The following RTN1 variants were observed in gnomAD, a reference collection of about 807,000 sequenced individuals.
RTN1 encodes the protein reticulon 1.
A neutral mutation model predicts 65.5 loss-of-function variants in RTN1; 25 were observed. The observed-to-expected ratio is 0.38, with a 90% CI of 0.28 to 0.53. The LOEUF is 0.53. Among genes scored for constraint, RTN1 ranks in the 20% least tolerant of loss-of-function variants. The pLI, the probability that RTN1 is intolerant of heterozygous loss-of-function variation, is 0.79. For missense variants in RTN1, 983 were observed against 1,025.4 expected, an observed-to-expected ratio of 0.96 and a Z score of 0.57; for synonymous variants, 471 against 447.6, an observed-to-expected ratio of 1.05 and a Z score of -0.66.
Position 59,740,224 on chromosome 14 carries a change from G to A in RTN1, c.1015+5484C>T, listed in dbSNP as rs115211062. On this transcript the variant is annotated intron_variant, in intron 2 of 8. Coordinates refer to ENST00000267484, the MANE Select transcript of RTN1 (RefSeq NM_021136.3). ...ACAGTGCCTGGCACACCGGAGGTAC[G>A]CAATAAATAGCACTCATATGAGAGC... Among the ~76,000 whole-genome samples the A allele has an allele frequency of 2.5e-3, 376 of 152,264 alleles. 2 individuals are homozygous for A. The highest frequency in any genetic ancestry group is 8.7e-3 in the African/African-American group (362 of 41,542).
chr14:59,749,488 T>A (rs1237197270), intron 1 of RTN1, among the ~76,000 whole-genome samples: 2 of 73,744 alleles, frequency 2.7e-5, no homozygotes, highest in African/African-American at 1.4e-4. Flanking sequence ...TATCTATATA[T>A]ATCTATATAT....
At chr14:59,704,387 C>T (rs1289636729) in intron 3 of RTN1, among the ~76,000 whole-genome samples, 1 of 152,168 alleles carries the variant, frequency 6.6e-6, no homozygotes, top group African/African-American at 2.4e-5. Flanking sequence ...CAAACTTCTC[C>T]TTATGTCTTT....
At chr14:59,819,653 G>A (rs962016876) in intron 1 of RTN1, among the ~76,000 whole-genome samples, 6 of 152,010 alleles carry the variant, frequency 3.9e-5, no homozygotes, top group Admixed American at 6.5e-5. Flanking sequence ...AGCAGGGGAC[G>A]GCGCCCGTCG....
rs749952794 is a variant in RTN1, at chr14:59,825,599, C to T, written c.241+44791G>A. On this transcript the variant is annotated intron_variant, in intron 1 of 8. Transcript: ENST00000267484. The surrounding 1 kb of genome is among the most constrained non-coding windows in gnomAD (Gnocchi z 4.2). ...CCAGCTGGCCACAGCAGGGCCTTCT[C>T]CCAGAAGCACCCCTGCTGGAAGGCC... Among the ~76,000 whole-genome samples, 3 of 152,222 alleles carry T rather than the reference C, an allele frequency of 2.0e-5. No individual in the cohort carries two copies. Among genetic ancestry groups the T allele is most frequent in the African/African-American group, 7.2e-5 (3 of 41,450 alleles).
Position 59,637,126 on chromosome 14 carries a change from C to G in RTN1, c.1766-29634G>C, listed in dbSNP as rs368927956. Among the ~76,000 whole-genome samples the G allele has an allele frequency of 1.2e-4, 18 of 152,292 alleles. 2 individuals are homozygous for G. Among genetic ancestry groups the G allele is most frequent in the Admixed American group, 7.2e-4 (11 of 15,300 alleles). On this transcript the variant is annotated intron_variant, in intron 3 of 8. Transcript: ENST00000267484. ...AAGTTCTTTTAAAATTGGAGTCAAT[C>G]CTCTCAAACTCTGCCACTCTCTATC...
chr14:59,677,260 G>A (rs548578066), intron 3 of RTN1, among the ~76,000 whole-genome samples: 345 of 152,324 alleles, frequency 2.3e-3, no homozygotes, highest in African/African-American at 7.6e-3. Context: ...AAAAAGCAAC[G>A]TGAGTTTTAT....
intron 3 of RTN1, among the ~76,000 whole-genome samples, chr14:59,623,886 GTTC>G (rs111915055): frequency 0.014 from 2,147 of 152,272 alleles, 43 homozygotes; most frequent in African/African-American, 0.049. Context: ...AAAATATTAT[GTTC>G]TTCTTGATGC....
At chr14:59,856,277 T>C (rs886162364) in intron 1 of RTN1, among the ~76,000 whole-genome samples, 6 of 152,212 alleles carry the variant, frequency 3.9e-5, no homozygotes, top group East Asian at 1.9e-4. Flanking sequence ...CATGTTTTTA[T>C]ATAAGACTTT....
At chr14:59,714,175 C>A (rs1473259049) in intron 3 of RTN1, among the ~76,000 whole-genome samples, 2 of 150,060 alleles carry the variant, frequency 1.3e-5, no homozygotes, top group African/African-American at 4.9e-5. Flanking sequence ...GCAGAAGTTG[C>A]AGTTAGCCGA....
chr14:59,699,900 G>C (rs1005704735), intron 3 of RTN1, among the ~76,000 whole-genome samples: 34 of 152,138 alleles, frequency 2.2e-4, no homozygotes, highest in Middle Eastern at 3.4e-3. Context: ...GGAAGAAAAA[G>C]AAAAGAATCA....
chr14:59,823,034 G>A (rs756823636), intron 1 of RTN1, among the ~76,000 whole-genome samples: 29 of 152,216 alleles, frequency 1.9e-4, no homozygotes, highest in African/African-American at 5.8e-4. Context: ...GTCAAGTGTC[G>A]TGTTTAGGTC....
intron 3 of RTN1, among the ~76,000 whole-genome samples, chr14:59,710,382 G>A (rs1204226368): frequency 6.6e-6 from 1 of 152,188 alleles, no homozygotes; most frequent in Non-Finnish European, 1.5e-5. Flanking sequence ...GAGGAGAGGA[G>A]TCTGCAGCAT....
At position 59,727,004 on chromosome 14, in the gene RTN1, G is replaced by A. The variant is rs779795439; in HGVS notation, c.1680C>T (p.Ser560=). Residue 560 remains serine, a synonymous_variant, in exon 3 of 9, where the codon TCC becomes TCT. Coordinates refer to ENST00000267484, the MANE Select transcript of RTN1 (RefSeq NM_021136.3). This position sits in a 1 kb window ranked among gnomAD's most constrained non-coding sequence, Gnocchi z 4.2. ...LPRKPEEDSS[S]NQSPAATKGP... is the part of the protein sequence containing the mutation. ...CCTTTGTGGCCGCAGGACTTTGGTT[G>A]GAACTCGAGTCTTCTTCAGGCTTCC... 16 of 1,613,390 alleles carry A rather than the reference G, an allele frequency of 9.9e-6. 1 individual carries two copies. In the Admixed American group the frequency reaches 1.8e-4, roughly 19 times the overall value.
intron 3 of RTN1, among the ~76,000 whole-genome samples, chr14:59,675,794 G>C (rs1184595910): frequency 6.6e-6 from 1 of 151,874 alleles, no homozygotes; most frequent in East Asian, 1.9e-4. Flanking sequence ...ATTTTCACTT[G>C]AATTTTATAT....
intron 3 of RTN1, chr14:59,607,727 C>T: frequency 5.6e-6 from 3 of 536,216 alleles, no homozygotes; most frequent in South Asian, 2.0e-5. Flanking sequence ...TAAGAAAAGA[C>T]TATTGAATCT....
At chr14:59,833,181 G>A (rs552581238) in intron 1 of RTN1, among the ~76,000 whole-genome samples, 18 of 152,304 alleles carry the variant, frequency 1.2e-4, no homozygotes, top group Non-Finnish European at 2.2e-4. Context: ...ATATGACAAT[G>A]CAGCCTCAGG....
chr14:59,841,784 T>C (rs1222988113), intron 1 of RTN1, among the ~76,000 whole-genome samples: 1 of 148,422 alleles, frequency 6.7e-6, no homozygotes, highest in Non-Finnish European at 1.5e-5. Flanking sequence ...TTTACTTAGA[T>C]AGCTAGAAAG....
In RTN1 at chr14:59,727,043, C is replaced by A. The variant is rs772649460; in HGVS notation, c.1641G>T (p.Thr547=). ...CTTCAGGCTTCCGTGGCAACATGGG[C>A]GTCTCAGGCTCCAGGGCTCCGTCTC... ...PPGDGALEPE[T]PMLPRKPEED... Residue 547 remains threonine, a synonymous_variant, in exon 3 of 9, where the codon ACG becomes ACT. Coordinates refer to ENST00000267484, the MANE Select transcript of RTN1 (RefSeq NM_021136.3). This position sits in a 1 kb window ranked among gnomAD's most constrained non-coding sequence, Gnocchi z 4.2. 6.2e-7 allele frequency: 1 copy of A among 1,613,374 alleles called. No homozygotes were observed. The highest frequency in any genetic ancestry group is 8.5e-7 in the Non-Finnish European group (1 of 1,179,722).
chr14:59,863,383 A>G (rs1887743426), intron 1 of RTN1, among the ~76,000 whole-genome samples: 1 of 152,110 alleles, frequency 6.6e-6, no homozygotes, highest in Admixed American at 6.6e-5. Flanking sequence ...GGCACTTTGA[A>G]TGACTTCCTC....
Sources: allele counts gnomAD v4.1 joint callset (sites outside exome capture counted in the v4.1 genomes callset), GRCh38; gene constraint gnomAD v4.1.1; non-coding constraint Gnocchi (gnomAD v3.1); transcripts MANE v1.5; gene names NCBI Gene and HGNC (gene_info 2026-07-23, HGNC 2026-07-21).